The following PCDH15 variants were observed in gnomAD, a reference collection of about 807,000 sequenced individuals.
The protein encoded by PCDH15 is protocadherin-15.
In PCDH15, 129 loss-of-function variants were observed where a neutral mutation model predicts 178.5. That is an observed-to-expected ratio of 0.72 (90% confidence interval 0.63 to 0.84). The LOEUF is 0.84. Ranked by LOEUF, PCDH15 falls within the 40% of genes least tolerant of loss-of-function variation. PCDH15 has a pLI of 0.00. For missense variants in PCDH15, 2,230 were observed against 2,099.9 expected (o/e 1.06, Z -1.21); for synonymous variants, 800 against 732.0 (o/e 1.09, Z -1.50).
At chr10:53,822,385 G>C (rs938596168) in intron 32 of PCDH15, 2 of 1,571,948 alleles carry the variant, frequency 1.3e-6, no homozygotes, top group Admixed American at 1.9e-5. Flanking sequence ...GGAGGAGAGG[G>C]AGGAGGACAA....
chr10:55,290,097 T>G (rs1424766330), intron 1 of PCDH15, among the ~76,000 whole-genome samples: 1 of 151,860 alleles, frequency 6.6e-6, no homozygotes, highest in Non-Finnish European at 1.5e-5. Context: ...TCTATGATAT[T>G]TTGTTATAGC....
chr10:55,272,242 A>G, intron 1 of PCDH15, among the ~76,000 whole-genome samples: 1 of 152,106 alleles, frequency 6.6e-6, no homozygotes, highest in East Asian at 1.9e-4. Context: ...AAACAAAACA[A>G]CTAAGATTTT....
intron 2 of PCDH15, among the ~76,000 whole-genome samples, chr10:54,576,167 C>G (rs1037553468): frequency 3.3e-5 from 5 of 151,976 alleles, no homozygotes; most frequent in African/African-American, 1.2e-4. Flanking sequence ...ACCTATCTAT[C>G]TATATCTTTT....
intron 2 of PCDH15, among the ~76,000 whole-genome samples, chr10:55,454,604 C>G (rs1250686242): frequency 2.2e-5 from 3 of 134,140 alleles, no homozygotes; most frequent in African/African-American, 8.9e-5. Flanking sequence ...AGTGAAACCC[C>G]GTCTCTACTA....
chr10:54,168,561 C>T (rs1229285566), intron 13 of PCDH15, among the ~76,000 whole-genome samples: 1 of 152,170 alleles, frequency 6.6e-6, no homozygotes, highest in Admixed American at 6.5e-5. Flanking sequence ...GACTAGCCCT[C>T]CCCCACCTGC....
chr10:54,440,503 T>C (rs1415234308), intron 3 of PCDH15, among the ~76,000 whole-genome samples: 1 of 151,972 alleles, frequency 6.6e-6, no homozygotes, highest in Non-Finnish European at 1.5e-5. Flanking sequence ...TCTAGATACA[T>C]TTATTTGGCA....
chr10:54,371,225 C>T, intron 4 of PCDH15, among the ~76,000 whole-genome samples: 1 of 151,452 alleles, frequency 6.6e-6, no homozygotes, highest in East Asian at 1.9e-4. Context: ...AAAAAATCAC[C>T]CAAATGTAAT....
chr10:55,615,074 G>T (rs1843447441), intron 2 of PCDH15, among the ~76,000 whole-genome samples: 1 of 152,016 alleles, frequency 6.6e-6, no homozygotes, highest in East Asian at 1.9e-4. Flanking sequence ...TCAGACTTCT[G>T]ACCATGTCCT....
intron 1 of PCDH15, among the ~76,000 whole-genome samples, chr10:55,169,864 A>T (rs1220347083): frequency 1.3e-5 from 2 of 152,188 alleles, no homozygotes; most frequent in Non-Finnish European, 2.9e-5. Context: ...ACCAAAATTA[A>T]TGTGATTTAA....
Position 55,222,165 on chromosome 10 carries a change from G to A in PCDH15, c.-155-55514C>T, listed in dbSNP as rs904568117. ...GCTGGGATTACAGGTGTGAGCCACC[G>A]CGCCCAGCCTATATAATTTAATTTT... On this transcript the variant is annotated intron_variant, in intron 1 of 5. Transcript: ENST00000458638. 1.2e-4 allele frequency among the ~76,000 whole-genome samples: 18 copies of A among 151,654 alleles called. 1 individual carries two copies. Among genetic ancestry groups the A allele is most frequent in the African/African-American group, 2.7e-4 (11 of 41,276 alleles).
chr10:55,489,844 C>G (rs1840374068), intron 2 of PCDH15, among the ~76,000 whole-genome samples: 1 of 151,544 alleles, frequency 6.6e-6, no homozygotes. Context: ...AAAACCAACA[C>G]TTTATGTGAA....
intron 2 of PCDH15, among the ~76,000 whole-genome samples, chr10:55,040,141 T>G (rs1013196147): frequency 1.3e-5 from 2 of 152,170 alleles, no homozygotes; most frequent in African/African-American, 4.8e-5. Context: ...AGACCCTTAC[T>G]GTCTAATTTA....
intron 2 of PCDH15, among the ~76,000 whole-genome samples, chr10:55,344,565 G>C (rs1189128534): frequency 6.6e-6 from 1 of 152,086 alleles, no homozygotes; most frequent in African/African-American, 2.4e-5. Flanking sequence ...TTATCCAAAA[G>C]AGACTGTTGG....
At chr10:54,678,980 GGAGATC>G (rs1263829877) in intron 1 of PCDH15, among the ~76,000 whole-genome samples, 1 of 151,852 alleles carries the variant, frequency 6.6e-6, no homozygotes, top group Non-Finnish European at 1.5e-5. Flanking sequence ...CACGAGGTCA[GGAGATC>G]GAGACCATCT....
intron 1 of PCDH15, among the ~76,000 whole-genome samples, chr10:55,248,303 A>G (rs1366418451): frequency 6.6e-6 from 1 of 152,092 alleles, no homozygotes; most frequent in Non-Finnish European, 1.5e-5. Flanking sequence ...ACATGAACTT[A>G]TAGAGAGGCT....
intron 2 of PCDH15, among the ~76,000 whole-genome samples, chr10:54,635,228 G>A (rs2093817220): frequency 6.6e-6 from 1 of 150,782 alleles, no homozygotes; most frequent in South Asian, 2.1e-4. Context: ...TCTTGACTCA[G>A]TCAAGTCAAA....
chr10:54,246,587 A>G (rs1456609924), intron 8 of PCDH15, among the ~76,000 whole-genome samples: 2 of 151,802 alleles, frequency 1.3e-5, no homozygotes, highest in Non-Finnish European at 3.0e-5. Flanking sequence ...TTTTTTTTCA[A>G]CTGGCGATGA....
At chr10:54,664,790 C>T (rs1325823775) in intron 1 of PCDH15, among the ~76,000 whole-genome samples, 1 of 151,538 alleles carries the variant, frequency 6.6e-6, no homozygotes, top group Non-Finnish European at 1.5e-5. Context: ...CAGAGATTGA[C>T]TTAACTATGC....
intron 13 of PCDH15, among the ~76,000 whole-genome samples, chr10:54,162,807 A>T (rs1283130666): frequency 6.6e-6 from 1 of 152,148 alleles, no homozygotes; most frequent in Non-Finnish European, 1.5e-5. Flanking sequence ...GTTAAATTCT[A>T]ACTTTGACCT....
Sources: gnomAD v4.1 joint callset for allele counts (sites outside exome capture counted in the v4.1 genomes callset) on GRCh38, gnomAD v4.1.1 for gene constraint, MANE v1.5 for transcripts, NCBI Gene and HGNC (gene_info 2026-07-23, HGNC 2026-07-21) for gene names.